The following SYNE2 variants were observed in gnomAD, a reference collection of about 807,000 sequenced individuals.
SYNE2 encodes the protein spectrin repeat containing nuclear envelope protein 2, also known as nesprin-2.
Under a neutral mutation model 856.3 loss-of-function variants are expected in SYNE2, and 431 were observed. That is an observed-to-expected ratio of 0.50 (90% CI 0.47 to 0.55). SYNE2 has a LOEUF of 0.55. SYNE2 is among the 20% of genes least tolerant of loss of function. The pLI is 0.00. For synonymous variants in SYNE2, 2,923 were observed against 2,872.3 expected, an observed-to-expected ratio of 1.02 and a Z score of -0.56; for missense variants, 8,129 against 8,023.2, an observed-to-expected ratio of 1.01 and a Z score of -0.50.
At chr14:63,970,511 TTAATTG>T (rs1420549966) in intron 11 of SYNE2, among the ~76,000 whole-genome samples, 2 of 152,156 alleles carry the variant, frequency 1.3e-5, no homozygotes, top group African/African-American at 4.8e-5. Flanking sequence ...CCCCTCTCTT[TTAATTG>T]TAGTGCTTAG....
At chr14:64,167,868 C>T (rs2098389565) in intron 92 of SYNE2, among the ~76,000 whole-genome samples, 1 of 152,172 alleles carries the variant, frequency 6.6e-6, no homozygotes, top group African/African-American at 2.4e-5. Context: ...AGATTTTCTG[C>T]AGTACATGGA....
chr14:64,023,102 C>A (rs951913430), intron 38 of SYNE2: 1 of 465,568 alleles, frequency 2.1e-6, no homozygotes, highest in Admixed American at 3.7e-5. Flanking sequence ...ACAAAAAATA[C>A]AAAAATTAGC....
chr14:64,050,394 T>C (rs1234731253), intron 47 of SYNE2, among the ~76,000 whole-genome samples: 2 of 152,234 alleles, frequency 1.3e-5, no homozygotes, highest in Non-Finnish European at 2.9e-5. Context: ...AAGGAAACTG[T>C]TGGTTTCATG....
chr14:64,209,450 TG>T lies in SYNE2; in HGVS notation c.18414del (p.Trp6138CysfsTer5). ...RMKIEETWRLWQKFLDDYSRF... is the reference protein window; with the variant it reads ...RMKIEETWRLXQKFLDDYSRF... ...CAGAATCGAGGAGACGTGGCGCCTG[TG>T]GCAGAAGTTTTTAGACGACTATTCT... On this transcript the variant is annotated frameshift_variant, in exon 102 of 116. Coordinates refer to ENST00000555002, the MANE Select transcript of SYNE2 (RefSeq NM_182914.3). LOFTEE classifies it high-confidence loss of function. 6.2e-7 allele frequency: 1 copy of T among 1,614,244 alleles called. No individual in the cohort carries two copies.
intron 110 of SYNE2, among the ~76,000 whole-genome samples, chr14:64,219,675 T>C (rs2098685915): frequency 6.6e-6 from 1 of 152,218 alleles, no homozygotes; most frequent in Non-Finnish European, 1.5e-5. Flanking sequence ...TGGAAAAATC[T>C]GACATCCGAG....
chr14:63,814,493 ATCC>A (rs375268313), intron 1 of SYNE2, among the ~76,000 whole-genome samples: 3 of 120,342 alleles, frequency 2.5e-5, no homozygotes, highest in South Asian at 2.7e-4. Context: ...CCTTATATAT[ATCC>A]ATATATATAA....
chr14:64,210,544 C>A (rs1009928142), intron 103 of SYNE2, among the ~76,000 whole-genome samples: 14 of 152,192 alleles, frequency 9.2e-5, no homozygotes, highest in Non-Finnish European at 1.9e-4. Flanking sequence ...ATGGACAAGG[C>A]ACGTGAATGC....
Position 64,188,727 on chromosome 14 carries a change from G to C in SYNE2, c.17871+19G>C. 2 of 1,613,714 alleles carry C rather than the reference G, an allele frequency of 1.2e-6. No individual in the cohort carries two copies. Among genetic ancestry groups the C allele is most frequent in the Non-Finnish European group, 1.7e-6 (2 of 1,179,794 alleles). Reference sequence around the variant, plus strand: ...ACAGAAGGTAAGGGAGGACACCCAGGTGGATGTAGTTATGACTACCATGGA... The same window carrying C: ...ACAGAAGGTAAGGGAGGACACCCAGCTGGATGTAGTTATGACTACCATGGA... On this transcript the variant is annotated intron_variant, in intron 98 of 115. Coordinates refer to ENST00000555002, the MANE Select transcript of SYNE2 (RefSeq NM_182914.3).
Position 63,949,995 on chromosome 14 carries a change from A to G in SYNE2, c.579A>G (p.Glu193=). Residue 193 remains glutamate, a synonymous_variant, in exon 7 of 116, where the codon GAA becomes GAG. Transcript: ENST00000555002. ...AGGCCCTTCTTTTGTGGGCTCAGGAACAATGCGCCACGTAAGTAGTTTGCT... is the reference window on the plus strand; with the variant it reads ...AGGCCCTTCTTTTGTGGGCTCAGGAGCAATGCGCCACGTAAGTAGTTTGCT... ...ARKALLLWAQ[E]QCATYESVNV... 3.1e-6 allele frequency: 5 copies of G among 1,614,114 alleles called. No individual in the cohort carries two copies. The highest frequency in any genetic ancestry group is 4.2e-6 in the Non-Finnish European group (5 of 1,180,002).
intron 8 of SYNE2, among the ~76,000 whole-genome samples, chr14:63,959,934 A>AAGGG (rs2096288846): frequency 6.6e-6 from 1 of 152,222 alleles, no homozygotes; most frequent in Non-Finnish European, 1.5e-5. Flanking sequence ...TCCTCCGCAT[A>AAGGG]ATTGCCCATA....
intron 65 of SYNE2, among the ~76,000 whole-genome samples, chr14:64,110,590 C>T (rs1299730655): frequency 5.9e-5 from 1 of 16,910 alleles, no homozygotes; most frequent in Non-Finnish European, 1.7e-4. Flanking sequence ...CTTTTTACAC[C>T]CCCCCCCCCC....
At chr14:63,915,715 T>G (rs1354846575) in intron 2 of SYNE2, among the ~76,000 whole-genome samples, 1 of 152,202 alleles carries the variant, frequency 6.6e-6, no homozygotes, top group African/African-American at 2.4e-5. Flanking sequence ...GATGACATAT[T>G]TTAAAAGATT....
chr14:63,926,799 A>G (rs1232130965), intron 2 of SYNE2, among the ~76,000 whole-genome samples: 1 of 152,224 alleles, frequency 6.6e-6, no homozygotes, highest in African/African-American at 2.4e-5. Flanking sequence ...TAACCTTGTC[A>G]TTGATTACAG....
intron 1 of SYNE2, among the ~76,000 whole-genome samples, chr14:63,804,519 G>A (rs577894321): frequency 6.6e-6 from 1 of 151,628 alleles, no homozygotes; most frequent in Non-Finnish European, 1.5e-5. Flanking sequence ...TTGAGTTGAA[G>A]TTTCGCTCTT....
Position 64,163,597 on chromosome 14 carries a change from C to A in SYNE2, c.16479+16C>A. 6.2e-7 allele frequency: 1 copy of A among 1,613,678 alleles called. No homozygotes were observed. Among genetic ancestry groups the A allele is most frequent in the South Asian group, 1.1e-5 (1 of 91,052 alleles). The stretch of plus-strand genomic sequence containing the variant: ...TGAATTTGAGGTTCATCTTTTCTTT[C>A]CATTCAAGTTTTAGTCTTAGACATT... On this transcript the variant is annotated intron_variant, in intron 89 of 115. Transcript: ENST00000555002.
intron 66 of SYNE2, among the ~76,000 whole-genome samples, chr14:64,115,709 A>C (rs1595620749): frequency 6.6e-6 from 1 of 152,228 alleles, no homozygotes; most frequent in African/African-American, 2.4e-5. Flanking sequence ...AAGAAAAACC[A>C]CATGGGGCCA....
At position 64,170,351 on chromosome 14, in the gene SYNE2, T is replaced by C; in HGVS notation, c.17124T>C (p.Ser5708=). 6.2e-7 allele frequency: 1 copy of C among 1,614,184 alleles called. No individual in the cohort carries two copies. Among genetic ancestry groups the C allele is most frequent in the African/African-American group, 1.3e-5 (1 of 75,052 alleles). The change falls in exon 94 of 116, where the codon TCT becomes TCC. Residue 5708 remains serine, a synonymous_variant. Coordinates refer to ENST00000555002, the MANE Select transcript of SYNE2 (RefSeq NM_182914.3). ...LVRQWQDFTT[S]VENLFRFLTD... The stretch of plus-strand genomic sequence containing the variant: ...GGCAGTGGCAAGATTTCACTACTTC[T>C]GTGGAGAACTTGTTTCGCTTCCTCA...
chr14:64,205,984 CCCACAGA>C (rs139854739), intron 100 of SYNE2, among the ~76,000 whole-genome samples: 8,368 of 152,224 alleles, frequency 0.055, 315 homozygotes, highest in Non-Finnish European at 0.079. Context: ...CCAAGCCCCT[CCCACAGA>C]CACATTCAGG....
intron 52 of SYNE2, among the ~76,000 whole-genome samples, chr14:64,072,776 C>T (rs138447382): frequency 1.1e-4 from 16 of 152,338 alleles, no homozygotes; most frequent in South Asian, 1.0e-3. Context: ...GCTGGGATTA[C>T]AGGCGTGAGC....
Sources: gnomAD v4.1 joint callset for allele counts (sites outside exome capture counted in the v4.1 genomes callset) on GRCh38, gnomAD v4.1.1 for gene constraint, MANE v1.5 for transcripts, NCBI Gene and HGNC (gene_info 2026-07-23, HGNC 2026-07-21) for gene names.